Variants in PATJ observed in about 807,000 individuals in gnomAD.
The protein encoded by PATJ is PATJ crumbs cell polarity complex component.
Under a neutral mutation model 224.9 loss-of-function variants are expected in PATJ, and 190 were observed. That is an observed-to-expected ratio of 0.84 (90% CI 0.75 to 0.95). The LOEUF (loss-of-function observed/expected upper bound fraction) is 0.95. Among genes scored for constraint, PATJ ranks in the 40% least tolerant of loss-of-function variants. PATJ has a pLI of 0.00. For synonymous variants in PATJ, 769 were observed against 820.3 expected, an observed-to-expected ratio of 0.94 and a Z score of 1.07; for missense variants, 2,121 against 2,270.3, an observed-to-expected ratio of 0.93 and a Z score of 1.34.
At chr1:62,142,590 A>G (rs1355252556) in intron 41 of PATJ, among the ~76,000 whole-genome samples, 2 of 152,354 alleles carry the variant, frequency 1.3e-5, no homozygotes, top group Middle Eastern at 3.4e-3. Context: ...ATCCTCATGG[A>G]TCCTGTGATT....
intron 14 of PATJ, among the ~76,000 whole-genome samples, chr1:61,813,590 C>A (rs954536129): frequency 6.6e-6 from 1 of 151,516 alleles, no homozygotes; most frequent in African/African-American, 2.4e-5. Context: ...CAGAAGAGAA[C>A]AAAGCAGGAA....
At chr1:61,966,819 T>C (rs1682229404) in intron 27 of PATJ, among the ~76,000 whole-genome samples, 1 of 152,200 alleles carries the variant, frequency 6.6e-6, no homozygotes, top group Admixed American at 6.6e-5. Flanking sequence ...ATGCCTTCCC[T>C]TTTTAGACCA....
intron 30 of PATJ, among the ~76,000 whole-genome samples, chr1:62,045,678 G>A (rs1652405269): frequency 6.6e-6 from 1 of 152,160 alleles, no homozygotes; most frequent in South Asian, 2.1e-4. Context: ...AGAGACGACA[G>A]GAACACCCAG....
At chr1:61,965,090 C>G (rs12410758) in intron 27 of PATJ, among the ~76,000 whole-genome samples, 2 of 112,998 alleles carry the variant, frequency 1.8e-5, no homozygotes, top group East Asian at 3.0e-4. Context: ...CCACTGTATT[C>G]TAGCCTGGGC....
At chr1:61,804,923 G>T (rs964251237) in intron 12 of PATJ, among the ~76,000 whole-genome samples, 1 of 152,148 alleles carries the variant, frequency 6.6e-6, no homozygotes. Flanking sequence ...AATTAAACCA[G>T]ACAAGCCTTT....
intron 11 of PATJ, among the ~76,000 whole-genome samples, chr1:61,800,401 G>A (rs577574049): frequency 7.2e-4 from 109 of 152,146 alleles, no homozygotes; most frequent in Non-Finnish European, 1.3e-3. Flanking sequence ...GTCTGTTCAT[G>A]TCTTTTGCCC....
At chr1:62,056,066 A>G (rs1331553483) in intron 31 of PATJ, among the ~76,000 whole-genome samples, 1 of 152,136 alleles carries the variant, frequency 6.6e-6, no homozygotes, top group Non-Finnish European at 1.5e-5. Context: ...TTTTTGTTCT[A>G]CCTGGCCCTC....
chr1:61,791,949 A>G (rs1649960955), intron 9 of PATJ, among the ~76,000 whole-genome samples: 1 of 152,178 alleles, frequency 6.6e-6, no homozygotes, highest in Non-Finnish European at 1.5e-5. Flanking sequence ...AAACTCTCTC[A>G]ACTCCTATCT....
chr1:62,041,287 T>C (rs1416037428), intron 30 of PATJ, among the ~76,000 whole-genome samples: 1 of 152,152 alleles, frequency 6.6e-6, no homozygotes, highest in Non-Finnish European at 1.5e-5. Context: ...TTTAGACAAA[T>C]AGAGGGAGAG....
At chr1:62,159,440 C>A (rs545502211) in intron 43 of PATJ, among the ~76,000 whole-genome samples, 10 of 152,198 alleles carry the variant, frequency 6.6e-5, no homozygotes, top group Non-Finnish European at 1.2e-4. Context: ...GATCCTCCTG[C>A]CTTGACCACC....
intron 20 of PATJ, among the ~76,000 whole-genome samples, chr1:61,871,654 C>T (rs1666648561): frequency 7.1e-6 from 1 of 141,342 alleles, no homozygotes; most frequent in South Asian, 2.2e-4. Context: ...CCTCTGTATC[C>T]TGGGTTCAAG....
At chr1:62,048,577 GAAAGA>G (rs1653005624) in intron 30 of PATJ, among the ~76,000 whole-genome samples, 1 of 136,692 alleles carries the variant, frequency 7.3e-6, no homozygotes, top group African/African-American at 2.6e-5. Flanking sequence ...AAAAGAAAAA[GAAAGA>G]AAAGAAAATA....
At chr1:61,957,782 C>T (rs959412710) in intron 27 of PATJ, among the ~76,000 whole-genome samples, 1 of 152,186 alleles carries the variant, frequency 6.6e-6, no homozygotes, top group African/African-American at 2.4e-5. Context: ...CTGTCGAGCT[C>T]TCTCAAGTAA....
At chr1:62,003,126 C>T (rs1463640573) in intron 28 of PATJ, among the ~76,000 whole-genome samples, 1 of 152,186 alleles carries the variant, frequency 6.6e-6, no homozygotes, top group Non-Finnish European at 1.5e-5. Flanking sequence ...GTGGATTATA[C>T]TGTGCTTTCA....
intron 22 of PATJ, among the ~76,000 whole-genome samples, chr1:61,899,174 T>C (rs1670781208): frequency 1.3e-5 from 2 of 152,206 alleles, no homozygotes; most frequent in African/African-American, 4.8e-5. Flanking sequence ...TATTGACCTG[T>C]TCATGTTGAT....
chr1:61,882,361 A>C (rs138973699), intron 21 of PATJ, among the ~76,000 whole-genome samples: 108 of 152,322 alleles, frequency 7.1e-4, no homozygotes, highest in African/African-American at 2.4e-3. Flanking sequence ...GTTCTTAAGG[A>C]GGTTATTTGC....
chr1:61,923,618 TA>T (rs931372633), intron 26 of PATJ, among the ~76,000 whole-genome samples: 1 of 152,010 alleles, frequency 6.6e-6, no homozygotes, highest in Non-Finnish European at 1.5e-5. Context: ...TCATTCACTT[TA>T]AAAAAAGAGA....
chr1:62,007,149 T>C (rs891140751), intron 28 of PATJ, among the ~76,000 whole-genome samples: 2 of 152,240 alleles, frequency 1.3e-5, no homozygotes, highest in Non-Finnish European at 2.9e-5. Context: ...GAGGCTGTTA[T>C]CTTCAGTATC....
chr1:62,073,657 T>C (rs142088720), intron 31 of PATJ, among the ~76,000 whole-genome samples: 2,294 of 151,496 alleles, frequency 0.015, 28 homozygotes, highest in Non-Finnish European at 0.021. Flanking sequence ...AATAAATAAA[T>C]AATAAAAGGG....
Sources: gnomAD v4.1 joint callset for allele counts (sites outside exome capture counted in the v4.1 genomes callset) on GRCh38, gnomAD v4.1.1 for gene constraint, MANE v1.5 for transcripts, NCBI Gene and HGNC (gene_info 2026-07-23, HGNC 2026-07-21) for gene names.